Variants in ADGRV1 observed in about 807,000 individuals in gnomAD.
ADGRV1 encodes adhesion G protein-coupled receptor V1, also known as G-protein coupled receptor 98.
A neutral mutation model predicts 596.2 loss-of-function variants in ADGRV1; 359 were observed. The ratio of observed to expected loss-of-function variants is 0.60; its 90% confidence interval spans 0.55 to 0.66. ADGRV1 has a LOEUF of 0.66. ADGRV1 is among the 30% of genes least tolerant of loss of function. The pLI is 0.00. For synonymous variants in ADGRV1, 2,681 were observed against 2,679.2 expected (o/e 1.00, Z -0.02); for missense variants, 7,274 against 7,575.6 (o/e 0.96, Z 1.48).
intron 86 of ADGRV1, among the ~76,000 whole-genome samples, chr5:91,076,236 C>T (rs963414319): frequency 7.2e-5 from 11 of 152,158 alleles, no homozygotes; most frequent in Non-Finnish European, 1.3e-4. Context: ...TTTGTGAAGC[C>T]TTAGGAATTG....
chr5:90,810,608 T>C lies in ADGRV1; in HGVS notation c.15348T>C (p.Asp5116=). 1 of 1,613,976 alleles carries C rather than the reference T, an allele frequency of 6.2e-7. No individual in the cohort carries two copies. Among genetic ancestry groups the C allele is most frequent in the Non-Finnish European group, 8.5e-7 (1 of 1,179,894 alleles). ...ATTGGAGCCCACGCCTGAATCTAGA[T>C]TTCAGTGTTGCAGTGATTACAATAT... ...DVNWSPRLNL[D]FSVAVITILD... Residue 5116 remains aspartate, a synonymous_variant, in exon 74 of 90, where the codon GAT becomes GAC. Transcript: ENST00000405460.
chr5:90,668,066 T>A (rs1354511665), intron 21 of ADGRV1, among the ~76,000 whole-genome samples: 1 of 151,878 alleles, frequency 6.6e-6, no homozygotes, highest in Non-Finnish European at 1.5e-5. Context: ...TCTTTTTGTT[T>A]GTCTGTGCCC....
At chr5:90,742,994 C>T (rs180706886) in intron 50 of ADGRV1, among the ~76,000 whole-genome samples, 97 of 152,226 alleles carry the variant, frequency 6.4e-4, no homozygotes, top group African/African-American at 2.2e-3. Context: ...GTTAAGTTTG[C>T]CATTCACATG....
rs570289396 is a variant in ADGRV1 at position 90,938,201 on chromosome 5, T to TA, written c.17857-27204dup. ...AGCCTGGTTGAGTAAGAGGGGAAAA[T>TA]AAAAAAAAAATTTTTTGGAGTTGTC... On this transcript the variant is annotated intron_variant, in intron 83 of 89. Coordinates refer to ENST00000405460, the MANE Select transcript of ADGRV1 (RefSeq NM_032119.4). Among the ~76,000 whole-genome samples, 21 of 151,100 alleles carry TA rather than the reference T, an allele frequency of 1.4e-4. 1 individual carries two copies. The East Asian group carries it at 2.5e-3, about 18-fold the overall frequency.
At chr5:91,020,464 A>G (rs370959565) in intron 85 of ADGRV1, among the ~76,000 whole-genome samples, 23 of 152,098 alleles carry the variant, frequency 1.5e-4, no homozygotes, top group African/African-American at 4.6e-4. Context: ...AGGTCCTATT[A>G]TCTTAAATTT....
chr5:91,057,002 C>T (rs547636209), intron 85 of ADGRV1, among the ~76,000 whole-genome samples: 1 of 152,220 alleles, frequency 6.6e-6, no homozygotes, highest in East Asian at 1.9e-4. Context: ...ATAATATAAC[C>T]ACATTTATTT....
intron 11 of ADGRV1, among the ~76,000 whole-genome samples, chr5:90,640,472 G>A (rs1433393344): frequency 1.3e-5 from 2 of 151,934 alleles, no homozygotes; most frequent in Non-Finnish European, 2.9e-5. Flanking sequence ...TTATAAGCAG[G>A]GCTGAATGAA....
At chr5:90,933,506 A>AG (rs770982537) in intron 83 of ADGRV1, among the ~76,000 whole-genome samples, 4 of 152,090 alleles carry the variant, frequency 2.6e-5, no homozygotes, top group African/African-American at 4.8e-5. Flanking sequence ...CTGGAATGTG[A>AG]GGGGGAGTGG....
rs140197872 is a variant in ADGRV1 at position 90,649,028 on chromosome 5, G to A, written c.3289+1264G>A. Among the ~76,000 whole-genome samples the A allele has an allele frequency of 1.4e-3, 218 of 152,052 alleles. 1 individual carries two copies. The highest frequency in any genetic ancestry group is 2.0e-3 in the Non-Finnish European group (138 of 67,974). On this transcript the variant is annotated intron_variant, in intron 17 of 89. Transcript: ENST00000405460. ...TATTATTAATATTATTATTTTTTAC[G>A]GAGTCTCACTCTGTCACCAGGCTGG...
chr5:90,677,330 T>C (rs1012145882), intron 25 of ADGRV1, among the ~76,000 whole-genome samples: 2 of 152,142 alleles, frequency 1.3e-5, no homozygotes, highest in Admixed American at 6.5e-5. Flanking sequence ...CAAGCCAGTG[T>C]TTGGGAGCAG....
intron 87 of ADGRV1, among the ~76,000 whole-genome samples, chr5:91,146,926 C>T (rs1234411815): frequency 1.3e-5 from 2 of 152,074 alleles, no homozygotes; most frequent in African/African-American, 4.8e-5. Flanking sequence ...CTATGGGAGG[C>T]CAAGGTGGGC....
chr5:90,866,788 T>C (rs1768162250), intron 83 of ADGRV1, among the ~76,000 whole-genome samples: 2 of 152,172 alleles, frequency 1.3e-5, no homozygotes, highest in Admixed American at 1.3e-4. Flanking sequence ...TTTATGAGCA[T>C]TAAGTGTGTT....
rs1198019980 is a variant in ADGRV1 at position 91,004,824 on chromosome 5, C to T, written c.18152+19302C>T. 5.3e-5 allele frequency among the ~76,000 whole-genome samples: 8 copies of T among 151,864 alleles called. No homozygotes were observed. The South Asian group carries it at 1.5e-3, about 28-fold the overall frequency. On this transcript the variant is annotated intron_variant, in intron 85 of 89. Transcript: ENST00000405460. ...TCATGGAGAGGGTCACAGATAGAAGCGAGGGGGAGGGCTCAAGTGTGAGAA... is the reference window on the plus strand; with the variant it reads ...TCATGGAGAGGGTCACAGATAGAAGTGAGGGGGAGGGCTCAAGTGTGAGAA...
chr5:90,632,867 A>G (rs1393610016), intron 9 of ADGRV1, among the ~76,000 whole-genome samples: 1 of 152,186 alleles, frequency 6.6e-6, no homozygotes, highest in Non-Finnish European at 1.5e-5. Flanking sequence ...CACTGACACA[A>G]GTCATTGAGG....
chr5:90,842,311 TTAACTTTTTTTGAG>T (rs1334196945), intron 78 of ADGRV1, among the ~76,000 whole-genome samples: 3 of 152,220 alleles, frequency 2.0e-5, no homozygotes, highest in Non-Finnish European at 4.4e-5. Context: ...GAAAATGTAA[TTAACTTTTTTTGAG>T]TAACCATTAG....
chr5:90,791,620 C>T (rs1760088012), intron 70 of ADGRV1: 1 of 402,650 alleles, frequency 2.5e-6, no homozygotes. Context: ...CAGTGGTGTG[C>T]ATATACACCT....
intron 85 of ADGRV1, among the ~76,000 whole-genome samples, chr5:91,060,581 T>C (rs1406859039): frequency 6.6e-6 from 1 of 152,114 alleles, no homozygotes; most frequent in African/African-American, 2.4e-5. Flanking sequence ...AATTTCATGA[T>C]TAAAATTTTA....
At chr5:90,896,192 T>A (rs771108733) in intron 83 of ADGRV1, among the ~76,000 whole-genome samples, 30 of 152,028 alleles carry the variant, frequency 2.0e-4, no homozygotes, top group Non-Finnish European at 3.4e-4. Flanking sequence ...TCTCTTTATG[T>A]TTGTTGGTCT....
intron 83 of ADGRV1, among the ~76,000 whole-genome samples, chr5:90,916,847 T>C (rs1773425702): frequency 6.6e-6 from 1 of 151,844 alleles, no homozygotes; most frequent in African/African-American, 2.4e-5. Flanking sequence ...TTAGCCAGGA[T>C]GGTCTCGATC....
Sources: gnomAD v4.1 joint callset for allele counts (sites outside exome capture counted in the v4.1 genomes callset) on GRCh38, gnomAD v4.1.1 for gene constraint, MANE v1.5 for transcripts, NCBI Gene and HGNC (gene_info 2026-07-23, HGNC 2026-07-21) for gene names.